Variants in CAPN15 observed in about 807,000 individuals in gnomAD.
The protein encoded by CAPN15 is calpain-15.
A neutral mutation model predicts 97.9 loss-of-function variants in CAPN15; 53 were observed. The ratio of observed to expected loss-of-function variants is 0.54; its 90% CI spans 0.43 to 0.68. The LOEUF (loss-of-function observed/expected upper bound fraction) is 0.68, where lower values mean the gene tolerates loss of function less well. Ranked by LOEUF, CAPN15 falls within the 30% of genes least tolerant of loss-of-function variation. CAPN15 has a pLI of 0.00. For synonymous variants in CAPN15, 922 were observed against 722.5 expected (o/e 1.28, Z -4.43); for missense variants, 1,592 against 1,589.8 (o/e 1.00, Z -0.02).
intron 3 of CAPN15, chr16:538,946 C>CTT (rs113024162): frequency 1.6e-5 from 2 of 127,734 alleles, no homozygotes; most frequent in East Asian, 2.6e-4. Flanking sequence ...TTCTTTGGTG[C>CTT]TTTTTTTTTT....
intron 5 of CAPN15, 24 bp from the exon 6 acceptor site, chr16:549,264 A>G: frequency 6.4e-6 from 10 of 1,566,388 alleles, no homozygotes; most frequent in Non-Finnish European, 6.9e-6. Context: ...GGTCCCCGCG[A>G]GGTCACCCTG....
rs1370621771 is a variant in CAPN15 at position 549,433 on chromosome 16, C to T, written c.1804C>T (p.Leu602=). 1 of 1,599,474 alleles carries T rather than the reference C, an allele frequency of 6.3e-7. No individual in the cohort carries two copies. Among genetic ancestry groups the T allele is most frequent in the Admixed American group, 1.7e-5 (1 of 59,724 alleles). The stretch of plus-strand genomic sequence containing the variant: ...GACCACGGTGCTGGTGGACGACATG[C>T]TGCCCTGTGATGAGGCCGGCTGCCT... ...TWTTVLVDDM[L]PCDEAGCLLF... Residue 602 remains leucine (L), a synonymous_variant, in exon 6 of 14, where the codon CTG becomes TTG. Coordinates refer to ENST00000219611, the MANE Select transcript of CAPN15 (RefSeq NM_005632.3).
intron 3 of CAPN15, among the ~76,000 whole-genome samples, chr16:541,551 C>T (rs936828386): frequency 1.2e-4 from 18 of 152,210 alleles, no homozygotes; most frequent in African/African-American, 3.9e-4. Flanking sequence ...CTGGTGTTAC[C>T]GCACCAGCCG....
At chr16:532,332 T>C (rs2033326851) in intron 1 of CAPN15, among the ~76,000 whole-genome samples, 1 of 149,770 alleles carries the variant, frequency 6.7e-6, no homozygotes, top group Admixed American at 6.7e-5. Context: ...GGTGGGTGAA[T>C]CACATGAGGT....
intron 3 of CAPN15, among the ~76,000 whole-genome samples, chr16:546,430 G>A (rs2034590257): frequency 6.6e-6 from 1 of 152,118 alleles, no homozygotes; most frequent in Non-Finnish European, 1.5e-5. Flanking sequence ...CCTTCCGTAG[G>A]TCTGAGCACC....
intron 3 of CAPN15, among the ~76,000 whole-genome samples, chr16:545,654 C>T (rs1024122040): frequency 3.3e-5 from 5 of 152,242 alleles, no homozygotes; most frequent in African/African-American, 1.2e-4. Flanking sequence ...GGTTCTCATT[C>T]TCCTCTCTGG....
At chr16:549,967 C>A in intron 7 of CAPN15, 129 bp downstream of exon 7, 1 of 734,682 alleles carries the variant, frequency 1.4e-6, no homozygotes, top group Non-Finnish European at 2.2e-6. Context: ...TGGGCTGACC[C>A]CGCGTGGCCA....
In CAPN15 at chr16:552,013, G is replaced by A. The variant is rs143571686; in HGVS notation, c.2346-38G>A. Reference sequence around the variant, plus strand: ...GCGCTGAGCCACGGAGGTGTGGGCCGTGGTAGGCTCAGGGCCCCGTCCTCC... The same window carrying A: ...GCGCTGAGCCACGGAGGTGTGGGCCATGGTAGGCTCAGGGCCCCGTCCTCC... On this transcript the variant is annotated intron_variant, in intron 9 of 13. Coordinates refer to ENST00000219611, the MANE Select transcript of CAPN15 (RefSeq NM_005632.3). This position sits in a 1 kb window ranked among gnomAD's most constrained non-coding sequence, Gnocchi z 6.4. 4.1e-4 allele frequency: 628 copies of A among 1,540,038 alleles called. 2 individuals carry two copies. The South Asian group carries it at 4.2e-3, about 10-fold the overall frequency.
At position 547,905 on chromosome 16, in the gene CAPN15, T is replaced by G. The variant is rs76534191; in HGVS notation, c.1067T>G (p.Val356Gly). 11 of 1,609,924 alleles carry G rather than the reference T, an allele frequency of 6.8e-6. No individual in the cohort carries two copies. The African/African-American group carries it at 1.3e-4, about 20-fold the overall frequency. The change falls in exon 4 of 14, where the codon GTG (valine) becomes GGG (glycine). Residue 356 changes from valine to glycine, a missense_variant. By Grantham distance (109) the Val-to-Gly change is moderately radical. This residue lies in a region of CAPN15 where 883 missense variants were observed against 776.6 expected (regional missense o/e 1.14). Coordinates refer to ENST00000219611, the MANE Select transcript of CAPN15 (RefSeq NM_005632.3). ...AAGTGCACGCTCAGAAACCCCACAG[T>G]GGCCCCCAGGTGCTCGGCCTGCGGC... Reference protein sequence around the residue: ...CAKCTLRNPTVAPRCSACGCS... With the variant: ...CAKCTLRNPTGAPRCSACGCS...
rs549739470 is a variant in CAPN15 at position 554,291 on chromosome 16, G to A, written c.*775G>A. On this transcript the variant is annotated 3_prime_UTR_variant, in exon 14 of 14. Transcript: ENST00000219611. ...TCGTGGGCACGGGCAGGGCTCAGCC[G>A]CTCCCACCTCCCCACAGAAGCCCAG... The A allele has an allele frequency of 5.2e-5, 18 of 349,086 alleles. No homozygotes were observed. The highest frequency in any genetic ancestry group is 2.1e-4 in the African/African-American group (10 of 46,558). The allele number at this position is 349,086 out of a possible 1,614,324, so 21.6% of individuals were successfully genotyped here. A position where few individuals can be genotyped will look rare whatever the true frequency, so the allele number is the denominator to read the frequency against.
rs759032666 is a variant in CAPN15, at chr16:553,560, C to T, written c.*44C>T. The T allele has an allele frequency of 6.3e-6, 8 of 1,270,388 alleles. No individual in the cohort carries two copies. Among genetic ancestry groups the T allele is most frequent in the Non-Finnish European group, 8.9e-6 (8 of 899,728 alleles). The allele number at this position is 1,270,388 out of a possible 1,614,324, so 78.7% of individuals were successfully genotyped here. A position where few individuals can be genotyped will look rare whatever the true frequency, so the allele number is the denominator to read the frequency against. On this transcript the variant is annotated 3_prime_UTR_variant, in exon 14 of 14. Coordinates refer to ENST00000219611, the MANE Select transcript of CAPN15 (RefSeq NM_005632.3). The stretch of plus-strand genomic sequence containing the variant: ...GGGCTGTGCACAGACGGACCCCCCA[C>T]CCCCACACGCACTTTATGAGGGAGA...
At position 552,814 on chromosome 16, in the gene CAPN15, G is replaced by T. The variant is rs368739837; in HGVS notation, c.2904+43G>T. 233 of 1,545,298 alleles carry T rather than the reference G, an allele frequency of 1.5e-4. No homozygotes were observed. Among genetic ancestry groups the T allele is most frequent in the Middle Eastern group, 1.2e-3 (6 of 5,126 alleles). ...GGGAGGGTGGCGTGGGGCAGGGGGA[G>T]TATGCCCCAGCACCTCCCCTGCCCC... is the stretch of plus-strand genomic sequence containing the variant. On this transcript the variant is annotated intron_variant, in intron 12 of 13. Transcript: ENST00000219611. The surrounding 1 kb of genome is among the most constrained non-coding windows in gnomAD (Gnocchi z 6.4).
At chr16:534,738 G>A (rs563493155) in intron 2 of CAPN15, among the ~76,000 whole-genome samples, 2 of 152,322 alleles carry the variant, frequency 1.3e-5, no homozygotes, top group Admixed American at 6.5e-5. Context: ...TGGGGTTGCC[G>A]TGGGGCAAGG....
chr16:539,984 CGGCTGGGCATGCT>C, intron 3 of CAPN15: 1 of 744,196 alleles, frequency 1.3e-6, no homozygotes, highest in Non-Finnish European at 1.6e-6. Flanking sequence ...CTACCCCAGG[CGGCTGGGCATGCT>C]GGGAAGTCCT....
intron 3 of CAPN15, chr16:536,877 C>T (rs963887725): frequency 6.6e-6 from 1 of 152,398 alleles, no homozygotes; most frequent in Non-Finnish European, 1.5e-5. Flanking sequence ...CACAGTCACC[C>T]TTGCGATGGG....
chr16:551,539 C>T lies in CAPN15; in HGVS notation c.2220C>T (p.Gly740=). The change falls in exon 9 of 14, where the codon GGC becomes GGT. Residue 740 remains glycine, a synonymous_variant. Transcript: ENST00000219611. ...TTCTGCGGCTCCGAAACCCGTGGGG[C>T]CGTTTCTCCTGGAACGGCAGCTGGT... The part of the protein sequence containing the change: ...TRLLRLRNPW[G]RFSWNGSWSD... The T allele has an allele frequency of 1.2e-6, 2 of 1,611,234 alleles. No individual in the cohort carries two copies. Among genetic ancestry groups the T allele is most frequent in the Non-Finnish European group, 1.7e-6 (2 of 1,178,842 alleles).
chr16:551,635 C>T lies in CAPN15; in HGVS notation c.2316C>T (p.Val772=), dbSNP rs1242363307. 5 of 1,600,746 alleles carry T rather than the reference C, an allele frequency of 3.1e-6. No individual in the cohort carries two copies. Among genetic ancestry groups the T allele is most frequent in the Non-Finnish European group, 4.2e-6 (5 of 1,176,960 alleles). The change falls in exon 9 of 14, where the codon GTC becomes GTT. Residue 772 remains valine, a synonymous_variant. Transcript: ENST00000219611. Reference sequence around the variant, plus strand: ...TGCCGCACGGCAGCAGTGAGGGTGTCTTCTGGATGGAGTACGGCGACTTTG... The same window carrying T: ...TGCCGCACGGCAGCAGTGAGGGTGTTTTCTGGATGGAGTACGGCGACTTTG... The part of the protein sequence containing the change: ...ELMPHGSSEG[V]FWMEYGDFVR...
chr16:534,235 G>GGC (rs2033531662), intron 2 of CAPN15, among the ~76,000 whole-genome samples: 1 of 151,432 alleles, frequency 6.6e-6, no homozygotes, highest in Non-Finnish European at 1.5e-5. Flanking sequence ...TCCCGACAGG[G>GGC]GTGTTTGTCC....
chr16:533,027 C>A (rs538499634), intron 1 of CAPN15, among the ~76,000 whole-genome samples: 13 of 152,032 alleles, frequency 8.6e-5, no homozygotes, highest in Admixed American at 7.9e-4. Context: ...TCGAGACCAG[C>A]CTGACCAACA....
Sources: allele counts gnomAD v4.1 joint callset (sites outside exome capture counted in the v4.1 genomes callset), GRCh38; gene constraint gnomAD v4.1.1; regional missense constraint gnomAD v4.1.1; non-coding constraint Gnocchi (gnomAD v3.1); transcripts MANE v1.5; gene names NCBI Gene and HGNC (gene_info 2026-07-23, HGNC 2026-07-21).